The following CORIN variants were observed in gnomAD, a reference collection of about 807,000 sequenced individuals.
The protein encoded by CORIN is corin, serine peptidase.
A neutral mutation model predicts 125.3 loss-of-function variants in CORIN; 117 were observed. The ratio of observed to expected loss-of-function variants is 0.93; its 90% CI spans 0.80 to 1.09. CORIN has a LOEUF of 1.09. CORIN is among the 50% of genes least tolerant of loss of function. The pLI is 0.00. For synonymous variants in CORIN, 450 were observed against 466.4 expected (o/e 0.96, Z 0.45); for missense variants, 1,253 against 1,306.7 (o/e 0.96, Z 0.63).
intron 1 of CORIN, among the ~76,000 whole-genome samples, chr4:47,824,992 C>T (rs553464532): frequency 6.6e-6 from 1 of 152,328 alleles, no homozygotes; most frequent in East Asian, 1.9e-4. Context: ...AGACTTTCCA[C>T]CAGGGCAGCC....
chr4:47,809,254 C>T (rs1239433133), intron 1 of CORIN, among the ~76,000 whole-genome samples: 1 of 152,134 alleles, frequency 6.6e-6, no homozygotes, highest in Admixed American at 6.5e-5. Flanking sequence ...TCTCATTTAG[C>T]ATTTATAAGT....
intron 3 of CORIN, among the ~76,000 whole-genome samples, chr4:47,764,624 G>C (rs1729623397): frequency 6.6e-6 from 1 of 152,104 alleles, no homozygotes; most frequent in Non-Finnish European, 1.5e-5. Flanking sequence ...TAAGAAATTT[G>C]CCTAGAGGTG....
chr4:47,812,055 A>C (rs1440964744), intron 1 of CORIN, among the ~76,000 whole-genome samples: 1 of 152,236 alleles, frequency 6.6e-6, no homozygotes, highest in East Asian at 1.9e-4. Flanking sequence ...ATTGTATTTT[A>C]ATCTCTTCAT....
chr4:47,626,332 TG>T, intron 17 of CORIN, 72 bp downstream of exon 17: 1 of 906,818 alleles, frequency 1.1e-6, no homozygotes, highest in Non-Finnish European at 1.8e-6. Flanking sequence ...AGTTAAAAAA[TG>T]GAAGAAAGGC....
chr4:47,802,797 G>A (rs566511458), intron 2 of CORIN, among the ~76,000 whole-genome samples: 2 of 152,230 alleles, frequency 1.3e-5, no homozygotes, highest in African/African-American at 4.8e-5. Context: ...GTTATAGCAG[G>A]CCTTGGGTAA....
intron 5 of CORIN, among the ~76,000 whole-genome samples, chr4:47,727,929 C>T (rs991796396): frequency 6.6e-6 from 1 of 152,096 alleles, no homozygotes; most frequent in Non-Finnish European, 1.5e-5. Flanking sequence ...TGAGGGTACA[C>T]AGCAAAAATA....
chr4:47,680,330 C>T (rs761015921), intron 7 of CORIN, 79 bp from the exon 8 acceptor site: 52 of 956,294 alleles, frequency 5.4e-5, no homozygotes, highest in Non-Finnish European at 8.2e-5. Context: ...CAGTTCCCAT[C>T]GAAGAGAGTC....
chr4:47,654,942 T>G (rs1236603254), intron 12 of CORIN, among the ~76,000 whole-genome samples: 1 of 150,358 alleles, frequency 6.7e-6, no homozygotes, highest in African/African-American at 2.5e-5. Context: ...GAGGGGAGAG[T>G]AAAGAGGATT....
At chr4:47,694,078 T>C (rs1056807316) in intron 5 of CORIN, among the ~76,000 whole-genome samples, 1 of 152,192 alleles carries the variant, frequency 6.6e-6, no homozygotes, top group Non-Finnish European at 1.5e-5. Flanking sequence ...CTATGCAATA[T>C]TCAGGGGCTA....
chr4:47,804,057 C>T (rs1314640409), intron 2 of CORIN, among the ~76,000 whole-genome samples: 1 of 152,270 alleles, frequency 6.6e-6, no homozygotes, highest in East Asian at 1.9e-4. Context: ...TTTGAATAGA[C>T]ATTTTTCAAA....
At chr4:47,625,109 C>T (rs9291309) in intron 17 of CORIN, among the ~76,000 whole-genome samples, 40,845 of 151,914 alleles carry the variant, frequency 0.27, 5,639 homozygotes, top group Admixed American at 0.35. Context: ...CTTACCAAAG[C>T]CTAAAATTAT....
intron 1 of CORIN, among the ~76,000 whole-genome samples, chr4:47,819,716 G>C (rs1242887988): frequency 6.6e-6 from 1 of 152,172 alleles, no homozygotes; most frequent in Non-Finnish European, 1.5e-5. Context: ...GAGGCATCCT[G>C]CATCTCATCT....
At chr4:47,793,891 T>C (rs1731180855) in intron 2 of CORIN, among the ~76,000 whole-genome samples, 1 of 152,284 alleles carries the variant, frequency 6.6e-6, no homozygotes, top group East Asian at 1.9e-4. Flanking sequence ...TTCTGCATTT[T>C]ACACAAACTT....
chr4:47,625,645 T>A (rs1269618471), intron 17 of CORIN, among the ~76,000 whole-genome samples: 1 of 152,186 alleles, frequency 6.6e-6, no homozygotes, highest in Non-Finnish European at 1.5e-5. Flanking sequence ...TTAAAATTCT[T>A]AAGAAGTAGC....
intron 8 of CORIN, 98 bp from the exon 9 acceptor site, chr4:47,678,152 A>C: frequency 2.4e-6 from 2 of 850,308 alleles, no homozygotes; most frequent in South Asian, 2.8e-5. Context: ...CATCGCTAAG[A>C]AACAAGGTGT....
At chr4:47,754,913 C>A (rs559584256) in intron 4 of CORIN, among the ~76,000 whole-genome samples, 11 of 152,282 alleles carry the variant, frequency 7.2e-5, no homozygotes, top group Admixed American at 1.3e-4. Flanking sequence ...CAAGTAGATT[C>A]TCTGATTAGT....
chr4:47,825,722 A>C (rs954847654), intron 1 of CORIN, among the ~76,000 whole-genome samples: 7 of 130,012 alleles, frequency 5.4e-5, no homozygotes, highest in African/African-American at 2.0e-4. Context: ...TTTTTTTTAG[A>C]TGGAGTCTCA....
chr4:47,735,942 T>TAAAA (rs749270493), intron 5 of CORIN, among the ~76,000 whole-genome samples: 4 of 96,382 alleles, frequency 4.2e-5, no homozygotes, highest in South Asian at 3.5e-4. Flanking sequence ...GACTCCATCT[T>TAAAA]AAAAAAAAAA....
At chr4:47,647,503 A>T (rs1374759805) in intron 13 of CORIN, among the ~76,000 whole-genome samples, 1 of 152,182 alleles carries the variant, frequency 6.6e-6, no homozygotes, top group Non-Finnish European at 1.5e-5. Context: ...CCTAAAGTGC[A>T]TCCTCACAAA....
Sources: allele counts gnomAD v4.1 joint callset (sites outside exome capture counted in the v4.1 genomes callset), GRCh38; gene constraint gnomAD v4.1.1; transcripts MANE v1.5; gene names NCBI Gene and HGNC (gene_info 2026-07-23, HGNC 2026-07-21).